ADAM9: variants seen among roughly 807,000 people sequenced by gnomAD.
ADAM9 encodes disintegrin and metalloproteinase domain-containing protein 9.
Under a neutral mutation model 108.1 loss-of-function variants are expected in ADAM9, and 54 were observed. The observed-to-expected ratio is 0.50, with a 90% CI of 0.40 to 0.63. The LOEUF is 0.63. Ranked by LOEUF, ADAM9 falls within the 20% of genes least tolerant of loss-of-function variation. The pLI is 0.00. For missense variants in ADAM9, 830 were observed against 997.7 expected (o/e 0.83, Z 2.26); for synonymous variants, 316 against 336.0 (o/e 0.94, Z 0.65).
In ADAM9 at chr8:39,060,189, C is replaced by T. The variant is rs1047733476; in HGVS notation, c.1591+4417C>T. Reference sequence around the variant, plus strand: ...TTTTCTCAAAAGGAGAGTAGTTATTCGCAGAGGATCACAAGGCTTTGCTCC... The same window carrying T: ...TTTTCTCAAAAGGAGAGTAGTTATTTGCAGAGGATCACAAGGCTTTGCTCC... On this transcript the variant is annotated intron_variant, in intron 14 of 21. Coordinates refer to ENST00000487273, the MANE Select transcript of ADAM9 (RefSeq NM_003816.3). Among the ~76,000 whole-genome samples, 2 of 152,294 alleles carry T rather than the reference C, an allele frequency of 1.3e-5. 1 individual carries two copies. The highest frequency in any genetic ancestry group is 4.1e-4 in the South Asian group (2 of 4,822).
rs544761054 is a variant in ADAM9, at chr8:39,068,517, A to T, written c.1592-2781A>T. On this transcript the variant is annotated intron_variant, in intron 14 of 21. Transcript: ENST00000487273. ...TGGTGAAGCCCTGTCTCTACTAAAA[A>T]TACAAAAATTAGCTTGGCATGATGG... 3.3e-5 allele frequency among the ~76,000 whole-genome samples: 5 copies of T among 151,820 alleles called. No individual in the cohort carries two copies. The South Asian group carries it at 1.0e-3, about 32-fold the overall frequency.
At chr8:39,019,209 A>T (rs1474086099) in intron 7 of ADAM9, among the ~76,000 whole-genome samples, 1 of 152,042 alleles carries the variant, frequency 6.6e-6, no homozygotes, top group Non-Finnish European at 1.5e-5. Context: ...ACTGCCTATC[A>T]GGCTCTTGAG....
intron 2 of ADAM9, among the ~76,000 whole-genome samples, chr8:39,009,046 G>A (rs958327637): frequency 3.3e-5 from 5 of 152,036 alleles, no homozygotes; most frequent in African/African-American, 1.2e-4. Flanking sequence ...TTAGGGAGTG[G>A]GCATTGTAAA....
In ADAM9 at chr8:39,072,247, C is replaced by T. The variant is rs186264837; in HGVS notation, c.1697+844C>T. ...ATATCAGTGAAATTATTTTCTTCTTCACACTAACATTTTACATAGTTGGAA... is the reference window on the plus strand; with the variant it reads ...ATATCAGTGAAATTATTTTCTTCTTTACACTAACATTTTACATAGTTGGAA... On this transcript the variant is annotated intron_variant, in intron 15 of 21. Coordinates refer to ENST00000487273, the MANE Select transcript of ADAM9 (RefSeq NM_003816.3). 1.1e-4 allele frequency among the ~76,000 whole-genome samples: 17 copies of T among 152,308 alleles called. 1 individual carries two copies. In the East Asian group the frequency reaches 3.1e-3, roughly 28 times the overall value.
intron 4 of ADAM9, chr8:39,015,909 A>G: frequency 1.8e-6 from 1 of 551,288 alleles, no homozygotes; most frequent in South Asian, 2.2e-5. Flanking sequence ...AATTTTGCCT[A>G]AACATTTGTG....
At chr8:38,999,352 A>G (rs1835926827) in intron 1 of ADAM9, among the ~76,000 whole-genome samples, 1 of 152,042 alleles carries the variant, frequency 6.6e-6, no homozygotes, top group Non-Finnish European at 1.5e-5. Flanking sequence ...TTAAACTGAC[A>G]AAGGTAACTG....
rs1174023414 is a variant in ADAM9, at chr8:39,045,113, C to CAT, written c.1302+2999_1302+3000dup. On this transcript the variant is annotated intron_variant, in intron 12 of 21. Coordinates refer to ENST00000487273, the MANE Select transcript of ADAM9 (RefSeq NM_003816.3). The stretch of plus-strand genomic sequence containing the variant: ...ATACATATGTGTGTGTGCATACATA[C>CAT]ATATGTGTGTGTGCATACATACATA... Among the ~76,000 whole-genome samples the CAT allele has an allele frequency of 9.0e-3, 132 of 14,674 alleles. 36 individuals are homozygous for CAT. The East Asian group carries it at 0.28, about 31-fold the overall frequency. The allele number at this position is 14,674 out of a possible 152,430, so 9.6% of individuals were successfully genotyped here.
chr8:39,061,907 T>C (rs1299347274), intron 14 of ADAM9, among the ~76,000 whole-genome samples: 1 of 152,086 alleles, frequency 6.6e-6, no homozygotes, highest in Non-Finnish European at 1.5e-5. Flanking sequence ...TAACAAGATA[T>C]ACTGTAGACT....
intron 11 of ADAM9, among the ~76,000 whole-genome samples, chr8:39,036,596 T>C (rs1025735099): frequency 2.6e-5 from 4 of 152,162 alleles, no homozygotes; most frequent in Non-Finnish European, 4.4e-5. Flanking sequence ...ATCATTAATA[T>C]TGTAGAGTCT....
chr8:39,089,501 T>C (rs1839282619), intron 18 of ADAM9, among the ~76,000 whole-genome samples: 4 of 152,230 alleles, frequency 2.6e-5, no homozygotes, highest in Admixed American at 6.5e-5. Context: ...ATTTCTGCTT[T>C]AGGGAAATTA....
intron 4 of ADAM9, chr8:39,014,846 T>G: frequency 6.1e-6 from 2 of 327,376 alleles, no homozygotes; most frequent in Non-Finnish European, 5.5e-6. Context: ...TATTAGTACT[T>G]ACAAAAACCA....
intron 20 of ADAM9, among the ~76,000 whole-genome samples, chr8:39,099,321 A>G (rs1352155948): frequency 6.6e-6 from 1 of 152,002 alleles, no homozygotes; most frequent in Non-Finnish European, 1.5e-5. Flanking sequence ...GGACTCTTTC[A>G]TACGTTCTTG....
chr8:39,050,706 T>C (rs1217964730), intron 12 of ADAM9, among the ~76,000 whole-genome samples: 1 of 152,140 alleles, frequency 6.6e-6, no homozygotes, highest in African/African-American at 2.4e-5. Flanking sequence ...GTCTACAATA[T>C]GCTGGAGCCT....
At chr8:39,064,197 A>C (rs866453227) in intron 14 of ADAM9, among the ~76,000 whole-genome samples, 1 of 152,210 alleles carries the variant, frequency 6.6e-6, no homozygotes, top group Non-Finnish European at 1.5e-5. Context: ...TTTGGACTGC[A>C]ATTACCATAT....
intron 16 of ADAM9, among the ~76,000 whole-genome samples, chr8:39,078,100 A>G (rs754115316): frequency 2.0e-5 from 3 of 152,266 alleles, no homozygotes; most frequent in Non-Finnish European, 4.4e-5. Flanking sequence ...TGATTAGCCC[A>G]TGAAAAAGAC....
chr8:39,089,819 G>A lies in ADAM9; in HGVS notation c.2069-228G>A, dbSNP rs908352479. On this transcript the variant is annotated intron_variant, in intron 18 of 21. Coordinates refer to ENST00000487273, the MANE Select transcript of ADAM9 (RefSeq NM_003816.3). ...GTATTTTGTTCTTGATTGTTTGCTC[G>A]AAGAAATACTGTAAGGTTACAGAAG... 2.5e-5 allele frequency: 13 copies of A among 518,126 alleles called. No homozygotes were observed. In the Middle Eastern group the frequency reaches 1.6e-3, roughly 65 times the overall value. The allele number at this position is 518,126 out of a possible 1,614,324, so 32.1% of individuals were successfully genotyped here.
At chr8:39,016,897 A>T (rs757823981) in intron 5 of ADAM9, 6 of 354,670 alleles carry the variant, frequency 1.7e-5, no homozygotes, top group Non-Finnish European at 3.2e-5. Flanking sequence ...TGCAGCTAGT[A>T]GAAGACATTT....
At chr8:39,023,094 G>A (rs1331202356) in intron 8 of ADAM9, 62 bp from the exon 9 acceptor site, 1 of 1,444,564 alleles carries the variant, frequency 6.9e-7, no homozygotes. Context: ...ACTTCATGTG[G>A]TTAAAAGATT....
At chr8:39,015,547 G>C (rs1243936772) in intron 4 of ADAM9, 2 of 152,304 alleles carry the variant, frequency 1.3e-5, no homozygotes, top group Non-Finnish European at 2.9e-5. Flanking sequence ...TGTGATTGTA[G>C]ATTTGAAATA....
Sources: gnomAD v4.1 joint callset for allele counts (sites outside exome capture counted in the v4.1 genomes callset) on GRCh38, gnomAD v4.1.1 for gene constraint, MANE v1.5 for transcripts, NCBI Gene and HGNC (gene_info 2026-07-23, HGNC 2026-07-21) for gene names.